The following FAM135A variants were observed in gnomAD, a reference collection of about 807,000 sequenced individuals.
FAM135A encodes family with sequence similarity 135 member A.
In FAM135A, 79 loss-of-function variants were observed where a neutral mutation model predicts 146.8. The ratio of observed to expected loss-of-function variants is 0.54; its 90% CI spans 0.45 to 0.65. The LOEUF is 0.65. Among genes scored for constraint, FAM135A ranks in the 30% least tolerant of loss-of-function variants. FAM135A has a pLI of 0.00. For synonymous variants in FAM135A, 562 were observed against 603.6 expected (o/e 0.93, Z 1.01); for missense variants, 1,623 against 1,758.2 (o/e 0.92, Z 1.38).
intron 5 of FAM135A, among the ~76,000 whole-genome samples, chr6:70,455,680 C>G (rs933797812): frequency 3.3e-4 from 50 of 151,878 alleles, no homozygotes; most frequent in African/African-American, 1.1e-3. Flanking sequence ...CCTGAAGTTG[C>G]CAGTTGAGAA....
At chr6:70,423,155 T>A (rs1769240174) in intron 2 of FAM135A, among the ~76,000 whole-genome samples, 6 of 152,116 alleles carry the variant, frequency 3.9e-5, no homozygotes, top group Admixed American at 3.9e-4. Context: ...AGGAATATAT[T>A]TCATGCGTTC....
At position 70,450,737 on chromosome 6, in the gene FAM135A, T is replaced by G. The variant is rs1007809550; in HGVS notation, c.78-1755T>G. Among the ~76,000 whole-genome samples the G allele has an allele frequency of 2.4e-4, 26 of 106,574 alleles. 1 individual carries two copies. The East Asian group carries it at 6.5e-3, about 26-fold the overall frequency. The allele number at this position is 106,574 out of a possible 152,430, so 69.9% of individuals were successfully genotyped here. A position where few individuals can be genotyped will look rare whatever the true frequency, so the allele number is the denominator to read the frequency against. ...AGTTGTTTTTTTTTTTTTTTTTTTT[T>G]TTTTTTTTTTTTTTTTTTTTTGAGT... On this transcript the variant is annotated intron_variant, in intron 4 of 21. Transcript: ENST00000418814.
chr6:70,445,426 A>G (rs1243659560), intron 4 of FAM135A, among the ~76,000 whole-genome samples: 2 of 152,230 alleles, frequency 1.3e-5, no homozygotes, highest in Non-Finnish European at 2.9e-5. Flanking sequence ...ACAAAAATGT[A>G]GAGGTGCGGA....
At chr6:70,512,950 T>C (rs955879148) in intron 12 of FAM135A, among the ~76,000 whole-genome samples, 6 of 151,748 alleles carry the variant, frequency 4.0e-5, no homozygotes, top group Admixed American at 6.6e-5. Context: ...ATTAATTTTT[T>C]AATTTGGTGT....
At chr6:70,417,891 C>A (rs578177061) in intron 2 of FAM135A, among the ~76,000 whole-genome samples, 1 of 152,308 alleles carries the variant, frequency 6.6e-6, no homozygotes, top group South Asian at 2.1e-4. Flanking sequence ...TATTTGGTAT[C>A]ATCAACAGAG....
chr6:70,517,767 A>G (rs529377910), intron 12 of FAM135A, among the ~76,000 whole-genome samples: 101 of 152,246 alleles, frequency 6.6e-4, no homozygotes, highest in Middle Eastern at 6.8e-3. Flanking sequence ...TATTCTAACC[A>G]TAATCTTTGA....
At chr6:70,501,131 G>C (rs1321854777) in intron 11 of FAM135A, among the ~76,000 whole-genome samples, 1 of 152,206 alleles carries the variant, frequency 6.6e-6, no homozygotes, top group Non-Finnish European at 1.5e-5. Context: ...CTGTCCCAGG[G>C]AGATGGGAGT....
chr6:70,440,093 C>T (rs1472261619), intron 4 of FAM135A, among the ~76,000 whole-genome samples: 1 of 152,170 alleles, frequency 6.6e-6, no homozygotes, highest in Non-Finnish European at 1.5e-5. Flanking sequence ...CCCCAAAATT[C>T]ATAGCTTGCA....
At chr6:70,550,043 TGATCATGA>T (rs1799536599) in intron 20 of FAM135A, among the ~76,000 whole-genome samples, 1 of 152,224 alleles carries the variant, frequency 6.6e-6, no homozygotes, top group Non-Finnish European at 1.5e-5. Context: ...TATTCAAGTT[TGATCATGA>T]GATTGCAGCC....
chr6:70,450,217 T>G (rs1016430999), intron 4 of FAM135A, among the ~76,000 whole-genome samples: 1 of 152,100 alleles, frequency 6.6e-6, no homozygotes, highest in Non-Finnish European at 1.5e-5. Context: ...AATCTGTGGG[T>G]TGTTTCTTCA....
intron 20 of FAM135A, among the ~76,000 whole-genome samples, chr6:70,549,166 A>G (rs1278320546): frequency 6.6e-6 from 1 of 152,112 alleles, no homozygotes; most frequent in Non-Finnish European, 1.5e-5. Context: ...GAAATCTCAC[A>G]CAATGAGGTA....
intron 4 of FAM135A, among the ~76,000 whole-genome samples, chr6:70,435,597 G>A (rs575781026): frequency 5.3e-5 from 8 of 151,588 alleles, no homozygotes; most frequent in Admixed American, 2.0e-4. Context: ...TCGGCTCATC[G>A]CAACCTCCAC....
intron 10 of FAM135A, among the ~76,000 whole-genome samples, chr6:70,488,611 T>C (rs1785202442): frequency 6.6e-6 from 1 of 152,064 alleles, no homozygotes; most frequent in Admixed American, 6.6e-5. Context: ...AACTTTTGAC[T>C]CCTCTAGTAC....
chr6:70,446,488 A>G (rs1775786863), intron 4 of FAM135A, among the ~76,000 whole-genome samples: 2 of 152,244 alleles, frequency 1.3e-5, no homozygotes, highest in Non-Finnish European at 2.9e-5. Context: ...ATCATTGTGC[A>G]GCACCTCTGC....
intron 16 of FAM135A, among the ~76,000 whole-genome samples, chr6:70,528,864 G>A (rs1795249449): frequency 8.9e-6 from 1 of 112,152 alleles, no homozygotes; most frequent in Non-Finnish European, 1.7e-5. Context: ...AGTCCCCATT[G>A]TGTGATTGTC....
intron 12 of FAM135A, among the ~76,000 whole-genome samples, chr6:70,512,233 T>C (rs1285124840): frequency 1.3e-5 from 2 of 151,934 alleles, no homozygotes; most frequent in Non-Finnish European, 2.9e-5. Context: ...GTAGTTCATT[T>C]CTTTATCGTT....
intron 16 of FAM135A, among the ~76,000 whole-genome samples, chr6:70,528,687 T>G (rs1295305900): frequency 1.1e-5 from 1 of 95,108 alleles, no homozygotes; most frequent in East Asian, 2.5e-4. Context: ...GTGCCAACAT[T>G]TTGTTTAATT....
chr6:70,423,014 G>T (rs568991030), intron 2 of FAM135A, among the ~76,000 whole-genome samples: 5 of 152,314 alleles, frequency 3.3e-5, no homozygotes, highest in Admixed American at 3.3e-4. Flanking sequence ...ATTTTTGATA[G>T]TGCAGCCAGA....
intron 19 of FAM135A, among the ~76,000 whole-genome samples, chr6:70,537,920 A>G (rs1797078514): frequency 6.6e-6 from 1 of 152,228 alleles, no homozygotes; most frequent in Admixed American, 6.5e-5. Flanking sequence ...ATCATTCTGC[A>G]TAGGCATTTG....
Sources: gnomAD v4.1 joint callset for allele counts (sites outside exome capture counted in the v4.1 genomes callset) on GRCh38, gnomAD v4.1.1 for gene constraint, MANE v1.5 for transcripts, NCBI Gene and HGNC (gene_info 2026-07-23, HGNC 2026-07-21) for gene names.